Variants in KIF5B observed in about 807,000 individuals in gnomAD.
KIF5B encodes kinesin-1 heavy chain.
KIF5B carries 49 observed loss-of-function variants against 132.8 expected under a neutral mutation model. The observed-to-expected ratio is 0.37, with a 90% CI of 0.29 to 0.47. KIF5B has a LOEUF of 0.47. Among genes scored for constraint, KIF5B ranks in the 20% least tolerant of loss-of-function variants. The pLI, the probability that KIF5B is intolerant of heterozygous loss-of-function variation, is 1.00. For synonymous variants in KIF5B, 355 were observed against 369.4 expected, an observed-to-expected ratio of 0.96 and a Z score of 0.45; for missense variants, 780 against 1,144.0, an observed-to-expected ratio of 0.68 and a Z score of 4.59.
intron 1 of KIF5B, among the ~76,000 whole-genome samples, chr10:32,051,733 T>C (rs1045855104): frequency 3.5e-4 from 53 of 152,336 alleles, no homozygotes; most frequent in African/African-American, 1.2e-3. Flanking sequence ...GTAAGGCAAA[T>C]GTTTTAATTA....
At chr10:32,018,444 T>C (rs1410671987) in intron 21 of KIF5B, 57 bp from the exon 22 acceptor site, 6 of 1,590,584 alleles carry the variant, frequency 3.8e-6, no homozygotes, top group East Asian at 2.2e-5. Flanking sequence ...AGAATAATCA[T>C]GGTAGAAAAA....
chr10:32,024,685 A>C (rs1023335458), intron 15 of KIF5B, among the ~76,000 whole-genome samples: 1 of 151,814 alleles, frequency 6.6e-6, no homozygotes, highest in Non-Finnish European at 1.5e-5. Context: ...GAATTGCTTG[A>C]ACCCAGGAAG....
intron 1 of KIF5B, among the ~76,000 whole-genome samples, chr10:32,049,940 T>A (rs1276985803): frequency 6.6e-6 from 1 of 151,878 alleles, no homozygotes; most frequent in African/African-American, 2.4e-5. Context: ...ATTTTTTTTT[T>A]AAGACTTGTA....
chr10:32,037,425 T>C (rs764952160), intron 7 of KIF5B, 47 bp from the exon 8 acceptor site: 1 of 1,605,044 alleles, frequency 6.2e-7, no homozygotes, highest in Middle Eastern at 1.7e-4. Flanking sequence ...TGATTTCCCC[T>C]TAACAATTTC....
intron 1 of KIF5B, among the ~76,000 whole-genome samples, chr10:32,051,922 T>C (rs1277572933): frequency 1.3e-5 from 2 of 152,220 alleles, no homozygotes; most frequent in African/African-American, 2.4e-5. Context: ...CCTCGAAATG[T>C]ACATTATGCA....
Position 32,055,951 on chromosome 10 carries a change from T to C in KIF5B, c.23A>G (p.Asn8Ser), listed in dbSNP as rs1307315239. The change falls in exon 1 of 26, where the codon AAC (asparagine) becomes AGC (serine). Residue 8 changes from asparagine to serine, a missense_variant. Asn to Ser is a conservative substitution (Grantham distance 46). This residue lies in a region of KIF5B where 66 missense variants were observed against 83.4 expected (regional missense o/e 0.79). Transcript: ENST00000302418. MADLAECNIKVMCRFRPL... is the reference protein window; with the variant it reads MADLAECSIKVMCRFRPL... ...TCTGAAGCGACACATCACTTTGATG[T>C]TGCACTCGGCCAGGTCCGCCATCTT... 4 of 1,609,364 alleles carry C rather than the reference T, an allele frequency of 2.5e-6. No homozygotes were observed. The highest frequency in any genetic ancestry group is 1.3e-5 in the African/African-American group (1 of 75,034).
At chr10:32,030,037 T>C (rs1841381945) in intron 14 of KIF5B, among the ~76,000 whole-genome samples, 1 of 152,242 alleles carries the variant, frequency 6.6e-6, no homozygotes, top group African/African-American at 2.4e-5. Flanking sequence ...AAATAAGTGG[T>C]GGACATGGGT....
intron 16 of KIF5B, among the ~76,000 whole-genome samples, chr10:32,022,485 C>T (rs1432250565): frequency 2.6e-5 from 4 of 152,158 alleles, no homozygotes; most frequent in Non-Finnish European, 5.9e-5. Context: ...ACTAATTTTA[C>T]AGATACCACC....
In KIF5B at chr10:32,018,174, G is replaced by A; in HGVS notation, c.2440-18C>T. ...TCAGCACTCTGAGAAAAGAAGGTAAGTATTACAAAAAAATTAAAAAAAACT... is the reference window on the plus strand; with the variant it reads ...TCAGCACTCTGAGAAAAGAAGGTAAATATTACAAAAAAATTAAAAAAAACT... On this transcript the variant is annotated intron_variant, in intron 22 of 25. Transcript: ENST00000302418. 1 of 1,548,088 alleles carries A rather than the reference G, an allele frequency of 6.5e-7. No individual in the cohort carries two copies. The highest frequency in any genetic ancestry group is 8.8e-7 in the Non-Finnish European group (1 of 1,141,076).
intron 15 of KIF5B, among the ~76,000 whole-genome samples, chr10:32,023,802 T>A (rs1323979222): frequency 6.6e-6 from 1 of 152,172 alleles, no homozygotes; most frequent in Non-Finnish European, 1.5e-5. Context: ...GACATCCAGA[T>A]GTGAAACAAT....
At chr10:32,045,658 T>G (rs1289751783) in intron 2 of KIF5B, among the ~76,000 whole-genome samples, 2 of 152,172 alleles carry the variant, frequency 1.3e-5, no homozygotes, top group African/African-American at 4.8e-5. Context: ...AGGGATAGAT[T>G]ATGGAAATAA....
At position 32,019,912 on chromosome 10, in the gene KIF5B, T is replaced by C. The variant is rs1114167297; in HGVS notation, c.2252A>G (p.His751Arg). The change falls in exon 20 of 26, where the codon CAT becomes CGT. Residue 751 changes from histidine (H) to arginine (R), a missense_variant. This residue lies in a region of KIF5B where 471 missense variants were observed against 569.9 expected (regional missense o/e 0.83). Coordinates refer to ENST00000302418, the MANE Select transcript of KIF5B (RefSeq NM_004521.3). Reference protein sequence around the residue: ...MLEQERLRVEHEKLKATDQEK... With the variant: ...MLEQERLRVEREKLKATDQEK... ...CTGATCTGTGGCTTTCAACTTCTCA[T>C]GTTCTACTCTTAGACGTTCCTGCTC... The C allele has an allele frequency of 1.2e-5, 20 of 1,612,892 alleles. No homozygotes were observed. The highest frequency in any genetic ancestry group is 1.6e-5 in the Non-Finnish European group (19 of 1,179,668).
At chr10:32,054,180 G>A (rs902713647) in intron 1 of KIF5B, among the ~76,000 whole-genome samples, 9 of 152,204 alleles carry the variant, frequency 5.9e-5, no homozygotes, top group Non-Finnish European at 5.9e-5. Context: ...TGCAGAAGCT[G>A]AGTACTGTAA....
chr10:32,041,674 A>C (rs1298236284), intron 2 of KIF5B, among the ~76,000 whole-genome samples: 1 of 152,236 alleles, frequency 6.6e-6, no homozygotes, highest in Non-Finnish European at 1.5e-5. Flanking sequence ...TTCAGAGTGC[A>C]ATGGCACAAT....
In KIF5B at chr10:32,016,305, A is replaced by G. The variant is rs111969335; in HGVS notation, c.2762-646T>C. Among the ~76,000 whole-genome samples, 440 of 151,892 alleles carry G rather than the reference A, an allele frequency of 2.9e-3. 5 individuals carry two copies. Among genetic ancestry groups the G allele is most frequent in the Non-Finnish European group, 1.3e-3 (88 of 67,938 alleles). On this transcript the variant is annotated intron_variant, in intron 24 of 25. Coordinates refer to ENST00000302418, the MANE Select transcript of KIF5B (RefSeq NM_004521.3). ...AACCCTGTCTCTACTAAAAATACAAAATTAGCTGGGCATGGTGGCTTGCAC... is the reference window on the plus strand; with the variant it reads ...AACCCTGTCTCTACTAAAAATACAAGATTAGCTGGGCATGGTGGCTTGCAC...
intron 1 of KIF5B, among the ~76,000 whole-genome samples, chr10:32,052,560 AATAG>A (rs763249271): frequency 2.6e-5 from 4 of 150,976 alleles, no homozygotes; most frequent in South Asian, 2.1e-4. Context: ...ATGATTCATA[AATAG>A]ATAGATGTAA....
intron 1 of KIF5B, among the ~76,000 whole-genome samples, chr10:32,053,422 A>T (rs1592456981): frequency 2.3e-5 from 2 of 86,572 alleles, no homozygotes; most frequent in South Asian, 3.5e-4. Flanking sequence ...GTTACACGTT[A>T]AAAAAAAAAA....
Position 32,044,483 on chromosome 10 carries a change from C to A in KIF5B, c.214+3981G>T, listed in dbSNP as rs1841584024. Among the ~76,000 whole-genome samples the A allele has an allele frequency of 1.3e-5, 2 of 152,136 alleles. 1 individual carries two copies. Among genetic ancestry groups the A allele is most frequent in the South Asian group, 4.1e-4 (2 of 4,834 alleles). On this transcript the variant is annotated intron_variant, in intron 2 of 25. Transcript: ENST00000302418. ...GGTTGGCAGTTCAAGACCAGCCTGA[C>A]CAACATGGAGGAACCCTGTCTCTAC...
Position 32,018,557 on chromosome 10 carries a change from A to G in KIF5B, c.2312T>C (p.Met771Thr). 6.2e-7 allele frequency: 1 copy of G among 1,611,710 alleles called. No homozygotes were observed. The highest frequency in any genetic ancestry group is 8.5e-7 in the Non-Finnish European group (1 of 1,178,464). The change falls in exon 21 of 26, where the codon ATG (methionine) becomes ACG (threonine). Residue 771 changes from methionine to threonine, a missense_variant. Physicochemically the swap from Met to Thr is moderately conservative, Grantham distance 81. Coordinates refer to ENST00000302418, the MANE Select transcript of KIF5B (RefSeq NM_004521.3). ...TCTTGCTTGTTCTCGTCTATCTTGC[A>G]TAACCCTAACAGTAGAAGAACAAAC... ...KSRKLHELTV[M>T]QDRREQARQD... is the part of the protein sequence containing the mutation.
Sources: allele counts gnomAD v4.1 joint callset (sites outside exome capture counted in the v4.1 genomes callset), GRCh38; gene constraint gnomAD v4.1.1; regional missense constraint gnomAD v4.1.1; transcripts MANE v1.5; gene names NCBI Gene and HGNC (gene_info 2026-07-23, HGNC 2026-07-21).